GRIK4: variants seen among roughly 807,000 people sequenced by gnomAD.
The protein encoded by GRIK4 is glutamate ionotropic receptor kainate type subunit 4.
Under a neutral mutation model 104.9 loss-of-function variants are expected in GRIK4, and 40 were observed. The observed-to-expected ratio is 0.38, with a 90% CI of 0.30 to 0.50. The LOEUF is 0.50. Ranked by LOEUF, GRIK4 falls within the 20% of genes least tolerant of loss-of-function variation. The pLI is 0.93. For missense variants in GRIK4, 1,047 were observed against 1,308.1 expected, an observed-to-expected ratio of 0.80 and a Z score of 3.08; for synonymous variants, 485 against 524.9, an observed-to-expected ratio of 0.92 and a Z score of 1.04.
intron 4 of GRIK4, among the ~76,000 whole-genome samples, chr11:120,810,079 A>G (rs1952799549): frequency 6.6e-6 from 1 of 152,112 alleles, no homozygotes; most frequent in African/African-American, 2.4e-5. Context: ...CAAACAAACA[A>G]ACAAAAGAAC....
chr11:120,635,785 G>A (rs945765935), intron 1 of GRIK4, among the ~76,000 whole-genome samples: 4 of 152,164 alleles, frequency 2.6e-5, no homozygotes, highest in Non-Finnish European at 5.9e-5. Context: ...AATTATTTTA[G>A]TAAACATTTT....
At chr11:120,531,435 C>A (rs981703574) in intron 1 of GRIK4, among the ~76,000 whole-genome samples, 1 of 152,234 alleles carries the variant, frequency 6.6e-6, no homozygotes, top group Admixed American at 6.5e-5. Flanking sequence ...ATGCTCTGTA[C>A]ATGTGCTCTC....
chr11:120,711,418 G>A (rs1257221038), intron 3 of GRIK4, among the ~76,000 whole-genome samples: 1 of 152,160 alleles, frequency 6.6e-6, no homozygotes, highest in Non-Finnish European at 1.5e-5. Flanking sequence ...CCCAAGGTGT[G>A]CAGAGAGAAG....
chr11:120,570,020 C>T (rs1393308606), intron 1 of GRIK4, among the ~76,000 whole-genome samples: 1 of 152,236 alleles, frequency 6.6e-6, no homozygotes, highest in Non-Finnish European at 1.5e-5. Context: ...TTACATAGAA[C>T]TCTCCATAGC....
intron 6 of GRIK4, among the ~76,000 whole-genome samples, chr11:120,830,513 G>A (rs765852626): frequency 6.6e-6 from 1 of 152,168 alleles, no homozygotes; most frequent in Non-Finnish European, 1.5e-5. Flanking sequence ...TTCCGGGGTT[G>A]TAGTCAAGCC....
Position 120,960,890 on chromosome 11 carries a change from C to T in GRIK4, c.1875-19C>T. 6.2e-7 allele frequency: 1 copy of T among 1,607,588 alleles called. No homozygotes were observed. The highest frequency in any genetic ancestry group is 1.1e-5 in the South Asian group (1 of 90,344). The stretch of plus-strand genomic sequence containing the variant: ...GGAGTGCCCGGGCAATGATGACTTC[C>T]TCGTCTTTTCCTACATAGGTGGGCA... On this transcript the variant is annotated intron_variant, in intron 16 of 20. Coordinates refer to ENST00000527524, the MANE Select transcript of GRIK4 (RefSeq NM_014619.5).
rs139677354 is a variant in GRIK4 at position 120,640,493 on chromosome 11, C to A, written c.-158-13192C>A. 4.8e-3 allele frequency among the ~76,000 whole-genome samples: 724 copies of A among 152,028 alleles called. 4 individuals carry two copies. Among genetic ancestry groups the A allele is most frequent in the African/African-American group, 0.016 (678 of 41,466 alleles). ...TTAATATTTTTTAATTAATTAATGC[C>A]CATTTGAATTTCATGGGTTCTATTA... On this transcript the variant is annotated intron_variant, in intron 1 of 20. Coordinates refer to ENST00000527524, the MANE Select transcript of GRIK4 (RefSeq NM_014619.5).
At chr11:120,654,443 G>A (rs996376216) in intron 2 of GRIK4, among the ~76,000 whole-genome samples, 1 of 152,066 alleles carries the variant, frequency 6.6e-6, no homozygotes, top group African/African-American at 2.4e-5. Context: ...TGCCCACTGC[G>A]ACCTCTGTCT....
chr11:120,838,743 T>G (rs1953642885), intron 8 of GRIK4, among the ~76,000 whole-genome samples: 1 of 152,096 alleles, frequency 6.6e-6, no homozygotes, highest in South Asian at 2.1e-4. Context: ...TTGGTGTTTT[T>G]TTTGTTTGTT....
At chr11:120,962,292 A>G (rs1009713680) in intron 17 of GRIK4, among the ~76,000 whole-genome samples, 164 bp from the exon 18 acceptor site, 3 of 152,210 alleles carry the variant, frequency 2.0e-5, no homozygotes, top group Non-Finnish European at 4.4e-5. Flanking sequence ...GTGACAGTGA[A>G]CATCTTGTGT....
chr11:120,909,293 C>T (rs1942940465), intron 13 of GRIK4, among the ~76,000 whole-genome samples: 1 of 152,238 alleles, frequency 6.6e-6, no homozygotes. Context: ...GCTTTGGCCC[C>T]AGGAGTGATT....
chr11:120,862,888 T>C (rs1954300089), intron 9 of GRIK4, among the ~76,000 whole-genome samples: 1 of 152,192 alleles, frequency 6.6e-6, no homozygotes, highest in African/African-American at 2.4e-5. Context: ...ATTTTATTTT[T>C]AAAAGCCCCA....
At chr11:120,624,474 A>G (rs1026664714) in intron 1 of GRIK4, among the ~76,000 whole-genome samples, 1 of 151,360 alleles carries the variant, frequency 6.6e-6, no homozygotes, top group African/African-American at 2.4e-5. Context: ...TCCCATAGCC[A>G]CTCTCTACTC....
At chr11:120,941,801 G>A (rs1943732598) in intron 14 of GRIK4, among the ~76,000 whole-genome samples, 1 of 152,112 alleles carries the variant, frequency 6.6e-6, no homozygotes, top group Non-Finnish European at 1.5e-5. Flanking sequence ...AGAGTCTGCA[G>A]AGAGAGCCTG....
intron 13 of GRIK4, among the ~76,000 whole-genome samples, chr11:120,908,454 C>CAGAA: frequency 4.1e-5 from 1 of 24,520 alleles, no homozygotes. Context: ...CACACACACA[C>CAGAA]ACACACAGAG....
chr11:120,807,830 G>A (rs549639830), intron 4 of GRIK4, among the ~76,000 whole-genome samples: 41 of 152,214 alleles, frequency 2.7e-4, no homozygotes, highest in African/African-American at 7.0e-4. Context: ...TTCCTTTTAC[G>A]GATGGGGAAA....
intron 11 of GRIK4, among the ~76,000 whole-genome samples, chr11:120,885,254 A>G (rs1016288487): frequency 2.0e-5 from 3 of 152,270 alleles, no homozygotes; most frequent in Admixed American, 6.5e-5. Context: ...TGATCCTGCC[A>G]TGCACTCCGC....
intron 3 of GRIK4, among the ~76,000 whole-genome samples, chr11:120,672,052 A>G (rs7934830): frequency 0.16 from 24,896 of 152,116 alleles, 2,280 homozygotes; most frequent in South Asian, 0.23. Flanking sequence ...TTGAAGTCAC[A>G]TAGTGTGATG....
chr11:120,855,570 T>C (rs1245392196), intron 8 of GRIK4, among the ~76,000 whole-genome samples: 1 of 152,016 alleles, frequency 6.6e-6, no homozygotes, highest in Admixed American at 6.6e-5. Context: ...GTGACTTTTT[T>C]TTTTTTTTTC....
Sources: allele counts gnomAD v4.1 joint callset (sites outside exome capture counted in the v4.1 genomes callset), GRCh38; gene constraint gnomAD v4.1.1; transcripts MANE v1.5; gene names NCBI Gene and HGNC (gene_info 2026-07-23, HGNC 2026-07-21).